Variants in RBFOX1 observed in about 807,000 individuals in gnomAD.
RBFOX1 encodes the protein RNA binding fox-1 homolog 1.
Under a neutral mutation model 57.7 loss-of-function variants are expected in RBFOX1, and 8 were observed. That is an observed-to-expected ratio of 0.14 (90% confidence interval 0.08 to 0.25). The LOEUF (loss-of-function observed/expected upper bound fraction) is 0.25, where lower values mean the gene tolerates loss of function less well. RBFOX1 is among the 10% of genes least tolerant of loss of function. The pLI is 1.00. For missense variants in RBFOX1, 611 were observed against 548.5 expected, an observed-to-expected ratio of 1.11 and a Z score of -1.14; for synonymous variants, 326 against 222.4, an observed-to-expected ratio of 1.47 and a Z score of -4.15.
intron 4 of RBFOX1, among the ~76,000 whole-genome samples, chr16:7,489,052 C>A (rs1230295455): frequency 6.6e-6 from 1 of 152,166 alleles, no homozygotes; most frequent in African/African-American, 2.4e-5. Flanking sequence ...TAAAATCTTG[C>A]TGTGAATCTC....
At chr16:6,562,615 C>G (rs972418823) in intron 2 of RBFOX1, among the ~76,000 whole-genome samples, 2 of 152,136 alleles carry the variant, frequency 1.3e-5, no homozygotes, top group Admixed American at 6.5e-5. Flanking sequence ...TTCTAAACAT[C>G]TTGCATGTAC....
At chr16:7,026,221 G>T (rs2040883370) in intron 3 of RBFOX1, among the ~76,000 whole-genome samples, 1 of 152,170 alleles carries the variant, frequency 6.6e-6, no homozygotes, top group African/African-American at 2.4e-5. Context: ...TTCTAGGAAG[G>T]CAAGAGGCCA....
At chr16:5,763,840 G>A (rs995037123) in intron 3 of RBFOX1, among the ~76,000 whole-genome samples, 5 of 152,168 alleles carry the variant, frequency 3.3e-5, no homozygotes, top group Admixed American at 2.0e-4. Flanking sequence ...TCCTCTGAAT[G>A]CGCTGGCTGT....
chr16:5,706,612 G>A (rs576191220), intron 3 of RBFOX1, among the ~76,000 whole-genome samples: 1 of 152,126 alleles, frequency 6.6e-6, no homozygotes, highest in Non-Finnish European at 1.5e-5. Context: ...ATTAAATCTT[G>A]CATTGTTTTA....
chr16:5,430,269 C>A (rs118054455), intron 1 of RBFOX1, among the ~76,000 whole-genome samples: 1 of 152,064 alleles, frequency 6.6e-6, no homozygotes, highest in African/African-American at 2.4e-5. Flanking sequence ...GGGGCCTGAC[C>A]TGGGGGTCAG....
chr16:6,967,049 C>T (rs932474087), intron 3 of RBFOX1, among the ~76,000 whole-genome samples: 2 of 152,144 alleles, frequency 1.3e-5, no homozygotes, highest in East Asian at 1.9e-4. Context: ...TGCATCCACC[C>T]TCCATCTATC....
At chr16:5,757,564 A>G (rs573310099) in intron 3 of RBFOX1, among the ~76,000 whole-genome samples, 21 of 152,158 alleles carry the variant, frequency 1.4e-4, no homozygotes, top group Admixed American at 3.3e-4. Flanking sequence ...GCCTAGAAGA[A>G]CACATCATTT....
intron 1 of RBFOX1, among the ~76,000 whole-genome samples, chr16:5,452,615 G>C (rs1190416609): frequency 6.6e-6 from 1 of 151,502 alleles, no homozygotes; most frequent in Non-Finnish European, 1.5e-5. Context: ...CTGCTACCCA[G>C]TGACCTTTCT....
intron 2 of RBFOX1, among the ~76,000 whole-genome samples, chr16:6,629,143 T>C (rs964881442): frequency 3.3e-5 from 5 of 152,228 alleles, no homozygotes; most frequent in African/African-American, 9.7e-5. Context: ...TATATGTGTG[T>C]ATAATTTACA....
At chr16:6,719,699 G>C (rs1333474272) in intron 3 of RBFOX1, among the ~76,000 whole-genome samples, 2 of 151,796 alleles carry the variant, frequency 1.3e-5, no homozygotes, top group Non-Finnish European at 2.9e-5. Flanking sequence ...ACCCACCTTG[G>C]CCTCCCAAAG....
intron 11 of RBFOX1, among the ~76,000 whole-genome samples, chr16:7,638,375 C>G (rs531152160): frequency 6.6e-6 from 1 of 151,950 alleles, no homozygotes; most frequent in East Asian, 1.9e-4. Flanking sequence ...CAGCTTTGAA[C>G]CAAGCCTGTT....
chr16:7,465,882 A>G (rs2060427672), intron 4 of RBFOX1, among the ~76,000 whole-genome samples: 1 of 152,242 alleles, frequency 6.6e-6, no homozygotes, highest in Non-Finnish European at 1.5e-5. Flanking sequence ...CTGTTCATAC[A>G]TACATTTTTT....
chr16:7,377,949 A>G (rs2097714411), intron 4 of RBFOX1, among the ~76,000 whole-genome samples: 1 of 151,344 alleles, frequency 6.6e-6, no homozygotes, highest in Admixed American at 6.6e-5. Flanking sequence ...TGGGACAGGA[A>G]AGAAGACAGC....
intron 3 of RBFOX1, among the ~76,000 whole-genome samples, chr16:6,945,375 G>C (rs2079298497): frequency 6.6e-6 from 1 of 152,132 alleles, no homozygotes; most frequent in Non-Finnish European, 1.5e-5. Context: ...CCCATTGCTG[G>C]TCTGAACAAC....
At chr16:5,555,163 T>C (rs1230577830) in intron 2 of RBFOX1, among the ~76,000 whole-genome samples, 1 of 152,212 alleles carries the variant, frequency 6.6e-6, no homozygotes, top group Non-Finnish European at 1.5e-5. Context: ...CCCTCCGCTA[T>C]GGATGTTGGT....
chr16:7,157,885 C>G (rs1421555518), intron 4 of RBFOX1, among the ~76,000 whole-genome samples: 1 of 152,198 alleles, frequency 6.6e-6, no homozygotes, highest in African/African-American at 2.4e-5. Flanking sequence ...TCTCTGTTCA[C>G]TTTGACCCAT....
At chr16:7,030,574 G>A (rs1369593526) in intron 3 of RBFOX1, among the ~76,000 whole-genome samples, 1 of 152,066 alleles carries the variant, frequency 6.6e-6, no homozygotes, top group African/African-American at 2.4e-5. Flanking sequence ...TATTGTCTTT[G>A]TTTCTCTGTG....
rs569439761 is a variant in RBFOX1 at position 6,388,546 on chromosome 16, A to G, written c.-64+71489A>G. On this transcript the variant is annotated intron_variant, in intron 2 of 15. Transcript: ENST00000550418. The stretch of plus-strand genomic sequence containing the variant: ...ATTGTGTATATTTGTCGTGTGATAT[A>G]TATATATATAATGGAATACTACTCA... 2.2e-3 allele frequency among the ~76,000 whole-genome samples: 331 copies of G among 152,110 alleles called. 3 individuals carry two copies. Among genetic ancestry groups the G allele is most frequent in the African/African-American group, 7.6e-3 (317 of 41,522 alleles).
chr16:6,911,068 G>A (rs1947808711), intron 3 of RBFOX1, among the ~76,000 whole-genome samples: 1 of 152,028 alleles, frequency 6.6e-6, no homozygotes, highest in African/African-American at 2.4e-5. Context: ...GAGCGTGGTG[G>A]CAGGCACCTG....
Sources: gnomAD v4.1 joint callset for allele counts (sites outside exome capture counted in the v4.1 genomes callset) on GRCh38, gnomAD v4.1.1 for gene constraint, MANE v1.5 for transcripts, NCBI Gene and HGNC (gene_info 2026-07-23, HGNC 2026-07-21) for gene names.